The following MLLT10 variants were observed in gnomAD, a reference collection of about 807,000 sequenced individuals.
The protein encoded by MLLT10 is MLLT10 histone lysine methyltransferase DOT1L cofactor.
Under a neutral mutation model 129.1 loss-of-function variants are expected in MLLT10, and 30 were observed. The ratio of observed to expected loss-of-function variants is 0.23; its 90% CI spans 0.17 to 0.32. MLLT10 has a LOEUF of 0.32. Among genes scored for constraint, MLLT10 ranks in the 10% least tolerant of loss-of-function variants. The pLI is 1.00. For missense variants in MLLT10, 1,119 were observed against 1,268.3 expected (o/e 0.88, Z 1.79); for synonymous variants, 490 against 446.4 (o/e 1.10, Z -1.23).
At chr10:21,587,365 G>T (rs2042083591) in intron 4 of MLLT10, among the ~76,000 whole-genome samples, 1 of 146,942 alleles carries the variant, frequency 6.8e-6, no homozygotes, top group South Asian at 2.1e-4. Context: ...GCTGCAATGA[G>T]CCATGGCCAC....
At chr10:21,567,362 C>G (rs923286954) in intron 3 of MLLT10, among the ~76,000 whole-genome samples, 1 of 152,104 alleles carries the variant, frequency 6.6e-6, no homozygotes, top group Admixed American at 6.5e-5. Context: ...AGTTGTGGCT[C>G]TCTACCTGAT....
chr10:21,643,359 C>T (rs2048195594), intron 8 of MLLT10, among the ~76,000 whole-genome samples: 1 of 152,122 alleles, frequency 6.6e-6, no homozygotes, highest in Non-Finnish European at 1.5e-5. Flanking sequence ...GAAGACATTT[C>T]TATTTTTTCA....
At chr10:21,637,539 A>T (rs1278893957) in intron 8 of MLLT10, among the ~76,000 whole-genome samples, 1 of 152,148 alleles carries the variant, frequency 6.6e-6, no homozygotes, top group Admixed American at 6.5e-5. Context: ...CTGACAGAGG[A>T]GATAACATTA....
intron 3 of MLLT10, among the ~76,000 whole-genome samples, chr10:21,551,347 A>G (rs2037001416): frequency 1.3e-5 from 1 of 79,844 alleles, no homozygotes; most frequent in African/African-American, 5.6e-5. Context: ...TTATTTCTGT[A>G]CAGGCTTTTT....
At chr10:21,734,602 A>G (rs1321333128) in intron 20 of MLLT10, among the ~76,000 whole-genome samples, 1 of 152,212 alleles carries the variant, frequency 6.6e-6, no homozygotes, top group East Asian at 1.9e-4. Flanking sequence ...TTTGTTCAAA[A>G]CTAGGGGACT....
At chr10:21,541,820 A>G (rs776015887) in intron 3 of MLLT10, among the ~76,000 whole-genome samples, 22 of 152,048 alleles carry the variant, frequency 1.4e-4, no homozygotes, top group Non-Finnish European at 3.2e-4. Context: ...GGCCAGAGCA[A>G]TTTTTTTATA....
chr10:21,611,263 C>A (rs2044625840), intron 5 of MLLT10, among the ~76,000 whole-genome samples: 1 of 151,596 alleles, frequency 6.6e-6, no homozygotes. Flanking sequence ...CCCATCTCGG[C>A]CTCCCAAAGT....
At chr10:21,702,823 T>G (rs2055055303) in intron 13 of MLLT10, among the ~76,000 whole-genome samples, 4 of 152,126 alleles carry the variant, frequency 2.6e-5, no homozygotes, top group Non-Finnish European at 5.9e-5. Flanking sequence ...TCCTTACAGG[T>G]GAAGTGTGTT....
intron 5 of MLLT10, among the ~76,000 whole-genome samples, chr10:21,600,368 A>AACACACACACACACACACACACAC (rs199618726): frequency 2.2e-4 from 32 of 144,644 alleles, no homozygotes; most frequent in African/African-American, 7.8e-4. Flanking sequence ...CCTGAGATAG[A>AACACACACACACACACACACACAC]ACACACACAC....
At chr10:21,644,264 T>G (rs1186674266) in intron 8 of MLLT10, among the ~76,000 whole-genome samples, 1 of 152,232 alleles carries the variant, frequency 6.6e-6, no homozygotes. Flanking sequence ...TATTATTTTT[T>G]GCCTGTAGTT....
At chr10:21,653,293 T>C (rs1480816201) in intron 9 of MLLT10, among the ~76,000 whole-genome samples, 2 of 152,166 alleles carry the variant, frequency 1.3e-5, no homozygotes, top group African/African-American at 4.8e-5. Flanking sequence ...TCTGCTTATA[T>C]GCTTGGTCAG....
intron 4 of MLLT10, among the ~76,000 whole-genome samples, chr10:21,587,805 G>A (rs1340061068): frequency 2.6e-5 from 4 of 152,152 alleles, no homozygotes; most frequent in Admixed American, 6.5e-5. Flanking sequence ...CAGTCAGATT[G>A]TACAGAATTT....
intron 21 of MLLT10, among the ~76,000 whole-genome samples, chr10:21,736,218 T>C (rs2058351108): frequency 6.6e-6 from 1 of 152,088 alleles, no homozygotes; most frequent in East Asian, 1.9e-4. Context: ...AAGGGAGTGA[T>C]CCAGGCAGGA....
At chr10:21,646,372 A>G (rs981578315) in intron 8 of MLLT10, among the ~76,000 whole-genome samples, 1 of 152,118 alleles carries the variant, frequency 6.6e-6, no homozygotes, top group Admixed American at 6.5e-5. Context: ...TAATGTTATT[A>G]TTATAAACGT....
intron 8 of MLLT10, among the ~76,000 whole-genome samples, chr10:21,651,330 A>G (rs536105899): frequency 2.2e-4 from 34 of 152,198 alleles, no homozygotes; most frequent in African/African-American, 8.2e-4. Context: ...TCAGCTTCCC[A>G]AAGTGCTGGG....
chr10:21,620,880 C>G (rs1182723239), intron 8 of MLLT10, among the ~76,000 whole-genome samples: 1 of 150,210 alleles, frequency 6.7e-6, no homozygotes, highest in Non-Finnish European at 1.5e-5. Flanking sequence ...TTAGTAGGGA[C>G]TAGCTTTGGC....
At chr10:21,722,212 C>A (rs2131547180) in intron 14 of MLLT10, among the ~76,000 whole-genome samples, 1 of 152,202 alleles carries the variant, frequency 6.6e-6, no homozygotes, top group Admixed American at 6.5e-5. Context: ...ACTCAGCCTC[C>A]CCTAGTGTTA....
chr10:21,643,625 A>G (rs537119426), intron 8 of MLLT10, among the ~76,000 whole-genome samples: 1 of 152,242 alleles, frequency 6.6e-6, no homozygotes, highest in Admixed American at 6.5e-5. Flanking sequence ...GGCTGTATAT[A>G]ATATTGTTGG....
intron 13 of MLLT10, among the ~76,000 whole-genome samples, chr10:21,697,995 G>A (rs1204119181): frequency 1.3e-5 from 2 of 152,172 alleles, no homozygotes; most frequent in African/African-American, 2.4e-5. Flanking sequence ...TGCATAGAAT[G>A]TATACTGAGC....
Sources: allele counts gnomAD v4.1 joint callset (sites outside exome capture counted in the v4.1 genomes callset), GRCh38; gene constraint gnomAD v4.1.1; transcripts MANE v1.5; gene names NCBI Gene and HGNC (gene_info 2026-07-23, HGNC 2026-07-21).